The following JAZF1 variants were observed in gnomAD, a reference collection of about 807,000 sequenced individuals.
JAZF1 encodes the protein juxtaposed with another zinc finger protein 1.
JAZF1 carries 8 observed loss-of-function variants against 26.4 expected under a neutral mutation model. The observed-to-expected ratio is 0.30, with a 90% CI of 0.18 to 0.55. JAZF1 has a LOEUF of 0.55. JAZF1 is among the 20% of genes least tolerant of loss of function. JAZF1 has a pLI of 0.94. For synonymous variants in JAZF1, 126 were observed against 122.3 expected (o/e 1.03, Z -0.20); for missense variants, 199 against 322.0 (o/e 0.62, Z 2.92).
At chr7:28,043,108 C>T (rs990912209) in intron 1 of JAZF1, among the ~76,000 whole-genome samples, 1 of 152,144 alleles carries the variant, frequency 6.6e-6, no homozygotes, top group Non-Finnish European at 1.5e-5. Context: ...TATGGGAATA[C>T]TGAATGAGGA....
chr7:27,980,742 T>A (rs1412433195), intron 2 of JAZF1, among the ~76,000 whole-genome samples: 1 of 147,502 alleles, frequency 6.8e-6, no homozygotes, highest in Non-Finnish European at 1.5e-5. Flanking sequence ...TCATTTTTTT[T>A]AAAAGCACCA....
At chr7:28,069,535 A>ATGAGCC (rs1282545733) in intron 1 of JAZF1, among the ~76,000 whole-genome samples, 1 of 152,158 alleles carries the variant, frequency 6.6e-6, no homozygotes, top group Admixed American at 6.5e-5. Context: ...GATTTGTTCC[A>ATGAGCC]TGAGCCTGAG....
chr7:28,022,393 T>C (rs974383258), intron 1 of JAZF1, among the ~76,000 whole-genome samples: 2 of 152,200 alleles, frequency 1.3e-5, no homozygotes, highest in Admixed American at 6.5e-5. Context: ...TTCTAACAAA[T>C]GGATAAACTT....
chr7:28,061,231 C>T lies in JAZF1; in HGVS notation c.116-69250G>A, dbSNP rs1291335706. ...AAACAAGGCATTATTATTACTATTACTATTAGATTGTGGTACCATGATGAG... is the reference window on the plus strand; with the variant it reads ...AAACAAGGCATTATTATTACTATTATTATTAGATTGTGGTACCATGATGAG... On this transcript the variant is annotated intron_variant, in intron 1 of 4. Transcript: ENST00000283928. 5.3e-5 allele frequency among the ~76,000 whole-genome samples: 8 copies of T among 152,238 alleles called. 1 individual carries two copies. The South Asian group carries it at 1.2e-3, about 24-fold the overall frequency.
intron 1 of JAZF1, among the ~76,000 whole-genome samples, chr7:28,029,436 C>T (rs1305215013): frequency 6.6e-6 from 1 of 152,164 alleles, no homozygotes; most frequent in East Asian, 1.9e-4. Flanking sequence ...TAAAAATCCC[C>T]TCTCAAATAA....
chr7:28,047,254 A>C (rs1783511900), intron 1 of JAZF1, among the ~76,000 whole-genome samples: 1 of 152,124 alleles, frequency 6.6e-6, no homozygotes, highest in South Asian at 2.1e-4. Flanking sequence ...GATATTTTAA[A>C]ATCTGGTGGG....
In JAZF1 at chr7:28,055,397, A is replaced by G. The variant is rs953717457; in HGVS notation, c.116-63416T>C. On this transcript the variant is annotated intron_variant, in intron 1 of 4. Coordinates refer to ENST00000283928, the MANE Select transcript of JAZF1 (RefSeq NM_175061.4). The stretch of plus-strand genomic sequence containing the variant: ...AGGGTTAGCCACATGCCCTGGCCCA[A>G]AACACCCCTCAACAGCCTTCCCTAA... Among the ~76,000 whole-genome samples the G allele has an allele frequency of 2.6e-5, 4 of 151,992 alleles. No individual in the cohort carries two copies. In the East Asian group the frequency reaches 7.7e-4, roughly 29 times the overall value.
At chr7:28,035,313 CAAAA>C (rs201602870) in intron 1 of JAZF1, among the ~76,000 whole-genome samples, 10 of 27,452 alleles carry the variant, frequency 3.6e-4, no homozygotes, top group African/African-American at 1.3e-3. Flanking sequence ...GACTCCATCT[CAAAA>C]AAAAAAAAAA....
chr7:28,004,262 G>A (rs1025525126), intron 1 of JAZF1, among the ~76,000 whole-genome samples: 4 of 152,156 alleles, frequency 2.6e-5, no homozygotes, highest in Admixed American at 2.0e-4. Context: ...AAACACCCAT[G>A]CTACAGGCTT....
chr7:28,056,499 T>C (rs1381460498), intron 1 of JAZF1, among the ~76,000 whole-genome samples: 1 of 151,568 alleles, frequency 6.6e-6, no homozygotes, highest in African/African-American at 2.4e-5. Flanking sequence ...TTCTTGAGGC[T>C]GGACTGAATG....
At position 28,180,634 on chromosome 7, in the gene JAZF1, G is replaced by A. The variant is rs1783632470; in HGVS notation, c.-57C>T. 1.5e-6 allele frequency: 2 copies of A among 1,301,662 alleles called. No individual in the cohort carries two copies. Among genetic ancestry groups the A allele is most frequent in the Non-Finnish European group, 2.2e-6 (2 of 915,208 alleles). The allele number at this position is 1,301,662 out of a possible 1,614,324, so 80.6% of individuals were successfully genotyped here. A position where few individuals can be genotyped will look rare whatever the true frequency, so the allele number is the denominator to read the frequency against. On this transcript the variant is annotated 5_prime_UTR_variant, in exon 1 of 5. Transcript: ENST00000283928. The stretch of plus-strand genomic sequence containing the variant: ...CTCTGCGAGCGCCGGGCGGGCGAGG[G>A]AGGGAGGGAGGCCGGGTGGGGTGAG...
chr7:27,902,145 T>C (rs1417336897), intron 2 of JAZF1, among the ~76,000 whole-genome samples: 1 of 152,236 alleles, frequency 6.6e-6, no homozygotes, highest in African/African-American at 2.4e-5. Flanking sequence ...TGTTTCACTG[T>C]ATAAATATTA....
intron 1 of JAZF1, among the ~76,000 whole-genome samples, chr7:28,071,235 T>C (rs937661023): frequency 2.0e-5 from 3 of 152,304 alleles, no homozygotes; most frequent in South Asian, 2.1e-4. Flanking sequence ...CAAAAGAGAC[T>C]GTTCTAAGTC....
intron 2 of JAZF1, among the ~76,000 whole-genome samples, chr7:27,897,435 G>C (rs1260531074): frequency 1.3e-5 from 2 of 152,224 alleles, no homozygotes; most frequent in Non-Finnish European, 2.9e-5. Flanking sequence ...ATGGGAATGA[G>C]AGTAGGTAAG....
chr7:28,105,453 AC>A lies in JAZF1; in HGVS notation c.115+75009del, dbSNP rs1290890824. ...ACGGTTTTCGAGTGGATAAAACTGCACCTTGGGACACTTGAGCCCAGCAGCA... is the reference window on the plus strand; with the variant it reads ...ACGGTTTTCGAGTGGATAAAACTGCACTTGGGACACTTGAGCCCAGCAGCA... On this transcript the variant is annotated intron_variant, in intron 1 of 4. Transcript: ENST00000283928. 3.3e-5 allele frequency among the ~76,000 whole-genome samples: 5 copies of A among 152,334 alleles called. No individual in the cohort carries two copies. The East Asian group carries it at 5.8e-4, about 18-fold the overall frequency.
intron 1 of JAZF1, among the ~76,000 whole-genome samples, chr7:28,044,217 A>G (rs1783454272): frequency 6.6e-6 from 1 of 152,112 alleles, no homozygotes; most frequent in Non-Finnish European, 1.5e-5. Flanking sequence ...AATATATCTC[A>G]TCTCTTCTTA....
At chr7:28,031,124 C>T (rs1404894881) in intron 1 of JAZF1, among the ~76,000 whole-genome samples, 1 of 152,144 alleles carries the variant, frequency 6.6e-6, no homozygotes, top group East Asian at 1.9e-4. Flanking sequence ...GCTAAAAAGA[C>T]ATCTATATCT....
At chr7:27,892,772 C>CA (rs1444443386) in intron 3 of JAZF1, among the ~76,000 whole-genome samples, 1 of 152,146 alleles carries the variant, frequency 6.6e-6, no homozygotes, top group East Asian at 1.9e-4. Context: ...AAATGCCTAA[C>CA]ACAAATGAAC....
intron 1 of JAZF1, among the ~76,000 whole-genome samples, chr7:28,097,450 T>C (rs1190297102): frequency 6.6e-6 from 1 of 152,238 alleles, no homozygotes; most frequent in Admixed American, 6.5e-5. Context: ...CCACAGAGCC[T>C]TTTACTAAGC....
Sources: allele counts gnomAD v4.1 joint callset (sites outside exome capture counted in the v4.1 genomes callset), GRCh38; gene constraint gnomAD v4.1.1; transcripts MANE v1.5; gene names NCBI Gene and HGNC (gene_info 2026-07-23, HGNC 2026-07-21).